Variants in SARDH observed in about 807,000 individuals in gnomAD.
The protein encoded by SARDH is sarcosine dehydrogenase, mitochondrial.
Under a neutral mutation model 109.1 loss-of-function variants are expected in SARDH, and 95 were observed. The ratio of observed to expected loss-of-function variants is 0.87; its 90% confidence interval spans 0.74 to 1.03. The LOEUF (loss-of-function observed/expected upper bound fraction) is 1.03. SARDH is among the 50% of genes least tolerant of loss of function. The pLI, the probability that SARDH is intolerant of heterozygous loss-of-function variation, is 0.00. For missense variants in SARDH, 1,267 were observed against 1,287.8 expected (o/e 0.98, Z 0.25); for synonymous variants, 572 against 534.8 (o/e 1.07, Z -0.96).
At position 133,705,040 on chromosome 9, in the gene SARDH, G is replaced by C. The variant is rs750106547; in HGVS notation, c.1471-9C>G. 1 of 1,584,548 alleles carries C rather than the reference G, an allele frequency of 6.3e-7. No homozygotes were observed. Among genetic ancestry groups the C allele is most frequent in the South Asian group, 1.2e-5 (1 of 86,376 alleles). ...CCTTGTCCAAGGAGTTCCTGAGCAG[G>C]AGTGGGGAACAGGCATCTGTCACGC... On this transcript the variant is annotated splice_polypyrimidine_tract_variant and intron_variant, in intron 11 of 20. Transcript: ENST00000439388.
intron 1 of SARDH, among the ~76,000 whole-genome samples, chr9:133,736,975 G>A (rs1471031153): frequency 1.3e-5 from 2 of 152,246 alleles, no homozygotes; most frequent in East Asian, 3.8e-4. Flanking sequence ...ATAGACACAT[G>A]ATAATGTCTC....
intron 13 of SARDH, among the ~76,000 whole-genome samples, chr9:133,697,507 T>C (rs1418426057): frequency 1.3e-5 from 2 of 152,040 alleles, no homozygotes; most frequent in Admixed American, 6.5e-5. Flanking sequence ...CAAATATAGA[T>C]ACAAAAAAAT....
intron 19 of SARDH, among the ~76,000 whole-genome samples, chr9:133,668,230 C>T (rs1352525002): frequency 6.6e-6 from 1 of 151,590 alleles, no homozygotes; most frequent in African/African-American, 2.4e-5. Flanking sequence ...CTGACAGGCA[C>T]CCAGGGAGAA....
Position 133,713,065 on chromosome 9 carries a change from A to G in SARDH, c.1210T>C (p.Phe404Leu). The G allele has an allele frequency of 6.2e-7, 1 of 1,613,114 alleles. No individual in the cohort carries two copies. Residue 404 changes from phenylalanine to leucine, a missense_variant, in exon 9 of 21, where the codon TTC becomes CTC. By Grantham distance (22) the Phe-to-Leu change is conservative. Transcript: ENST00000439388. ...MGEAPELRGF[F>L]LGCGFNSAGM... ...GCGCTGTTGAAGCCACAGCCCAGGA[A>G]GAACCCTCGGAGCTCAGGTGCCTCC...
In SARDH at chr9:133,718,465, G is replaced by A; in HGVS notation, c.1020+473C>T. On this transcript the variant is annotated intron_variant, in intron 7 of 20. Transcript: ENST00000439388. The surrounding 1 kb of genome is among the most constrained non-coding windows in gnomAD (Gnocchi z 4.2). ...TTTCCCTCTTTCTCCAGAAATTAAA[G>A]CAGTTTTTAGCCCAAAGTAGCCACT... is the stretch of plus-strand genomic sequence containing the variant. 5.9e-6 allele frequency: 3 copies of A among 510,276 alleles called. No homozygotes were observed. Among genetic ancestry groups the A allele is most frequent in the Non-Finnish European group, 3.5e-6 (1 of 289,144 alleles). 31.6% of individuals were successfully genotyped at this position (510,276 alleles called of 1,614,324 possible).
chr9:133,704,785 G>A lies in SARDH; in HGVS notation c.1554+163C>T, dbSNP rs2502746. 0.59 allele frequency among the ~76,000 whole-genome samples: 90,371 copies of A among 151,942 alleles called. 27,259 individuals carry two copies. The highest frequency in any genetic ancestry group is 0.69 in the South Asian group (3,316 of 4,822). On this transcript the variant is annotated intron_variant, in intron 12 of 20. Coordinates refer to ENST00000439388, the MANE Select transcript of SARDH (RefSeq NM_001134707.2). This position sits in a 1 kb window ranked among gnomAD's most constrained non-coding sequence, Gnocchi z 4.5. Reference sequence around the variant, plus strand: ...AAGAATGCACTGAGCCTTGGGGGCAGGTCGGCAGGGCTCGGCTTCCCGTGT... The same window carrying A: ...AAGAATGCACTGAGCCTTGGGGGCAAGTCGGCAGGGCTCGGCTTCCCGTGT...
rs1425157575 is a variant in SARDH, at chr9:133,711,122, C to T, written c.1328+1497G>A. On this transcript the variant is annotated intron_variant, in intron 10 of 20. Coordinates refer to ENST00000439388, the MANE Select transcript of SARDH (RefSeq NM_001134707.2). ...GGCCTGCCCCCAACTTGCCAGGGGT[C>T]GCCTCAGGGCCTCTGCCAGCCCATG... is the stretch of plus-strand genomic sequence containing the variant. 3.3e-5 allele frequency among the ~76,000 whole-genome samples: 5 copies of T among 152,362 alleles called. No individual in the cohort carries two copies. The South Asian group carries it at 6.2e-4, about 19-fold the overall frequency.
upstream of SARDH, among the ~76,000 whole-genome samples, chr9:133,739,480 C>T (rs200497773): frequency 7.2e-4 from 109 of 152,304 alleles, no homozygotes; most frequent in African/African-American, 2.4e-3. Context: ...TCAGGGTCCA[C>T]GAAGCAGACA....
At chr9:133,703,199 G>A in intron 12 of SARDH, 170 bp from the exon 13 acceptor site, 2 of 622,742 alleles carry the variant, frequency 3.2e-6, no homozygotes. Flanking sequence ...CCCCCATGAG[G>A]TCCAGGCAAA....
chr9:133,679,334 C>G (rs1393707844), intron 17 of SARDH, among the ~76,000 whole-genome samples: 1 of 152,240 alleles, frequency 6.6e-6, no homozygotes, highest in African/African-American at 2.4e-5. Flanking sequence ...TCATAGTTAT[C>G]TAACGTGTGT....
intron 20 of SARDH, among the ~76,000 whole-genome samples, chr9:133,665,271 C>T (rs1346321630): frequency 6.6e-6 from 1 of 152,200 alleles, no homozygotes; most frequent in Non-Finnish European, 1.5e-5. Context: ...CGGAGAAAGG[C>T]GAGCATTACT....
At chr9:133,719,137 TCA>T in intron 6 of SARDH, 95 bp from the exon 7 acceptor site, 1 of 1,003,892 alleles carries the variant, frequency 1.0e-6, no homozygotes, top group East Asian at 2.4e-5. Context: ...CCACCCAGGG[TCA>T]CGGGCTCGAG....
Position 133,732,465 on chromosome 9 carries a change from C to A in SARDH, c.468G>T (p.Ala156=). 1 of 1,530,122 alleles carries A rather than the reference C, an allele frequency of 6.5e-7. No individual in the cohort carries two copies. The highest frequency in any genetic ancestry group is 8.9e-7 in the Non-Finnish European group (1 of 1,127,998). The allele number at this position is 1,530,122 out of a possible 1,614,324, so 94.8% of individuals were successfully genotyped here. Residue 156 remains alanine, a synonymous_variant, in exon 3 of 21, where the codon GCG becomes GCT. Coordinates refer to ENST00000439388, the MANE Select transcript of SARDH (RefSeq NM_001134707.2). ...ACTCGTCCAGGCGCTGCCGGTTGGA[C>A]GCGATGAAGAGGCCCCCATTCTGGA... ...GWIQNGGLFI[A]SNRQRLDEYK...
At position 133,693,032 on chromosome 9, in the gene SARDH, C is replaced by T. The variant is rs1001699469; in HGVS notation, c.1921+1226G>A. Among the ~76,000 whole-genome samples, 3 of 152,146 alleles carry T rather than the reference C, an allele frequency of 2.0e-5. No homozygotes were observed. The highest frequency in any genetic ancestry group is 7.2e-5 in the African/African-American group (3 of 41,422). ...CTGCCAGCCCCCAGCCCCGAAGACC[C>T]GCTGGGCAGTGAGGAGCGCTGTCTT... is the stretch of plus-strand genomic sequence containing the variant. On this transcript the variant is annotated intron_variant, in intron 15 of 20. Transcript: ENST00000439388. The surrounding 1 kb of genome is among the most constrained non-coding windows in gnomAD (Gnocchi z 5.6).
At chr9:133,732,399 TG>T in intron 3 of SARDH, 23 bp downstream of exon 3, 2 of 659,894 alleles carry the variant, frequency 3.0e-6, no homozygotes, top group Non-Finnish European at 5.1e-6. Flanking sequence ...CCCCCCTCCT[TG>T]CCCCCCGCAG....
chr9:133,728,383 C>T lies in SARDH; in HGVS notation c.915+1382G>A, dbSNP rs567423599. 2.6e-5 allele frequency among the ~76,000 whole-genome samples: 4 copies of T among 152,280 alleles called. No individual in the cohort carries two copies. The highest frequency in any genetic ancestry group is 6.8e-3 in the Middle Eastern group (2 of 292). On this transcript the variant is annotated intron_variant, in intron 6 of 20. Coordinates refer to ENST00000439388, the MANE Select transcript of SARDH (RefSeq NM_001134707.2). This position sits in a 1 kb window ranked among gnomAD's most constrained non-coding sequence, Gnocchi z 5.0. The stretch of plus-strand genomic sequence containing the variant: ...AGGGACGAGGCTCCCAGCTCAGGGG[C>T]CCAGGCTTCCCTCTCACTGGCCCTG...
At chr9:133,676,334 G>T (rs2131346321) in intron 17 of SARDH, among the ~76,000 whole-genome samples, 1 of 152,330 alleles carries the variant, frequency 6.6e-6, no homozygotes, top group African/African-American at 2.4e-5. Flanking sequence ...ATCAAGAGCA[G>T]AATGGAGGGC....
At position 133,670,702 on chromosome 9, in the gene SARDH, C is replaced by A; in HGVS notation, c.2377G>T (p.Ala793Ser). 6.2e-7 allele frequency: 1 copy of A among 1,606,020 alleles called. No homozygotes were observed. The highest frequency in any genetic ancestry group is 8.5e-7 in the Non-Finnish European group (1 of 1,177,166). ...AGCTTGCAGGTGAAGGCCAGGCCTGCCTCCAGGGGGCTGTCGTCTGGCCGC... is the reference window on the plus strand; with the variant it reads ...AGCTTGCAGGTGAAGGCCAGGCCTGACTCCAGGGGGCTGTCGTCTGGCCGC... Reference protein sequence around the residue: ...DLRPDDSPLEAGLAFTCKLKS... With the variant: ...DLRPDDSPLESGLAFTCKLKS... The change falls in exon 19 of 21, where the codon GCA becomes TCA. Residue 793 changes from alanine to serine, a missense_variant. Transcript: ENST00000439388.
chr9:133,659,521 T>C (rs530560081), downstream of SARDH, among the ~76,000 whole-genome samples: 3 of 152,294 alleles, frequency 2.0e-5, no homozygotes, highest in African/African-American at 4.8e-5. Flanking sequence ...AGTTCAGCTC[T>C]TTGATGGTTT....
Sources: allele counts gnomAD v4.1 joint callset (sites outside exome capture counted in the v4.1 genomes callset), GRCh38; gene constraint gnomAD v4.1.1; non-coding constraint Gnocchi (gnomAD v3.1); transcripts MANE v1.5; gene names NCBI Gene and HGNC (gene_info 2026-07-23, HGNC 2026-07-21).